DMD: variants seen among roughly 807,000 people sequenced by gnomAD.
DMD encodes the protein dystrophin.
Under a neutral mutation model 330.1 loss-of-function variants are expected in DMD, and 63 were observed. The observed-to-expected ratio is 0.19, with a 90% CI of 0.16 to 0.24. The LOEUF is 0.24. Among genes scored for constraint, DMD ranks in the 10% least tolerant of loss-of-function variants. The pLI is 1.00. For synonymous variants in DMD, 1,223 were observed against 959.8 expected (o/e 1.27, Z -5.07); for missense variants, 3,344 against 2,684.1 (o/e 1.25, Z -5.43).
intron 1 of DMD, among the ~76,000 whole-genome samples, chrX:33,245,368 C>T (rs187029798): frequency 6.7e-4 from 75 of 111,161 alleles, no homozygotes; most frequent in Non-Finnish European, 1.3e-3. Flanking sequence ...AATAGAAACA[C>T]TCACTCTGAA....
rs752533406 is a variant in DMD, at chrX:32,503,866, G to C, written c.2293-2024C>G. 1.1e-4 allele frequency among the ~76,000 whole-genome samples: 12 copies of C among 111,646 alleles called. No individual in the cohort carries two copies. In the East Asian group the frequency reaches 1.7e-3, roughly 16 times the overall value. ...GCCACCGTGCCTGGCCTGAATAAAGGTTTTCTTAAAAATTTATTTTAAAGA... is the reference window on the plus strand; with the variant it reads ...GCCACCGTGCCTGGCCTGAATAAAGCTTTTCTTAAAAATTTATTTTAAAGA... On this transcript the variant is annotated intron_variant, in intron 18 of 78. Transcript: ENST00000357033.
At chrX:31,715,404 A>G (rs1008982963) in intron 52 of DMD, among the ~76,000 whole-genome samples, 18 of 104,683 alleles carry the variant, frequency 1.7e-4, no homozygotes, top group East Asian at 9.1e-4. Flanking sequence ...TTAGCCGGGC[A>G]TGGTGGCGCG....
At chrX:31,959,590 A>G (rs1032670904) in intron 45 of DMD, among the ~76,000 whole-genome samples, 11 of 111,240 alleles carry the variant, frequency 9.9e-5, no homozygotes, top group African/African-American at 3.6e-4. Flanking sequence ...TACTTTTTGC[A>G]TAAAACACTT....
intron 60 of DMD, among the ~76,000 whole-genome samples, chrX:31,415,383 G>A (rs770933704): frequency 4.2e-4 from 47 of 111,993 alleles, no homozygotes; most frequent in Middle Eastern, 4.6e-3. Flanking sequence ...TACCCCAGTC[G>A]TCTTCCAGAT....
chrX:31,729,336 AACAAATGTTCTGCC>A (rs766496125), intron 52 of DMD, among the ~76,000 whole-genome samples: 4 of 111,337 alleles, frequency 3.6e-5, no homozygotes, highest in Middle Eastern at 4.6e-3. Flanking sequence ...ACAACTAAAG[AACAAATGTTCTGCC>A]ACAAATGTTC....
intron 63 of DMD, among the ~76,000 whole-genome samples, chrX:31,256,840 A>C (rs2050011017): frequency 9.1e-6 from 1 of 110,290 alleles, no homozygotes; most frequent in Non-Finnish European, 1.9e-5. Context: ...ACACTAAGTA[A>C]GAAATGGAAT....
Position 33,267,117 on chromosome X carries a change from T to C in DMD, c.7+72142A>G, listed in dbSNP as rs181735710. Among the ~76,000 whole-genome samples the C allele has an allele frequency of 1.7e-3, 190 of 111,812 alleles. 1 individual carries two copies. The highest frequency in any genetic ancestry group is 5.9e-3 in the African/African-American group (183 of 30,843). On this transcript the variant is annotated intron_variant, in intron 1 of 17. Coordinates refer to the DMD transcript ENST00000288447. ...CCCAAAGACTCCACCAAAAGGCTAC[T>C]AGAACTGATAAACAATTTTAACGAG...
chrX:31,143,589 T>C (rs2036343111), intron 76 of DMD, among the ~76,000 whole-genome samples: 1 of 112,360 alleles, frequency 8.9e-6, no homozygotes, highest in African/African-American at 3.2e-5. Context: ...ATCCATTTTA[T>C]GCCAGCAAGT....
intron 17 of DMD, among the ~76,000 whole-genome samples, chrX:32,524,099 A>AT (rs1259391008): frequency 3.3e-4 from 35 of 107,610 alleles, no homozygotes; most frequent in East Asian, 2.4e-3. Flanking sequence ...CGCCCGGCTA[A>AT]TTTTTTTTGT....
chrX:32,377,360 T>C (rs1343080583), intron 34 of DMD, among the ~76,000 whole-genome samples: 2 of 111,904 alleles, frequency 1.8e-5, no homozygotes, highest in Non-Finnish European at 3.8e-5. Context: ...ATACATTCAC[T>C]GAGAGATTGA....
intron 12 of DMD, among the ~76,000 whole-genome samples, chrX:32,605,644 A>T (rs927469064): frequency 2.8e-4 from 31 of 111,035 alleles, no homozygotes; most frequent in African/African-American, 8.8e-4. Context: ...ACAATTCCGA[A>T]CTATACATCT....
At chrX:31,200,815 G>A (rs897674104) in intron 67 of DMD, among the ~76,000 whole-genome samples, 24 of 111,518 alleles carry the variant, frequency 2.2e-4, no homozygotes, top group Non-Finnish European at 4.0e-4. Flanking sequence ...CCAGTGCAAT[G>A]ATGAGAAGGC....
chrX:31,602,429 T>C (rs956346272), intron 55 of DMD, among the ~76,000 whole-genome samples: 4 of 110,278 alleles, frequency 3.6e-5, no homozygotes, highest in African/African-American at 1.3e-4. Context: ...AGTTGTATAA[T>C]TTTTATTTTC....
At chrX:33,277,528 G>C in intron 1 of DMD, among the ~76,000 whole-genome samples, 1 of 110,992 alleles carries the variant, frequency 9.0e-6, no homozygotes, top group Non-Finnish European at 1.9e-5. Context: ...GAACCCACAA[G>C]CAGACACGTC....
intron 2 of DMD, among the ~76,000 whole-genome samples, chrX:32,936,508 C>A (rs193098959): frequency 1.9e-3 from 210 of 112,008 alleles, no homozygotes; most frequent in African/African-American, 6.3e-3. Context: ...GTTACTACTA[C>A]TCCTGAAACC....
At chrX:33,147,936 A>T (rs760814935) in intron 1 of DMD, among the ~76,000 whole-genome samples, 1 of 111,958 alleles carries the variant, frequency 8.9e-6, no homozygotes, top group Non-Finnish European at 1.9e-5. Context: ...CCTATAATTA[A>T]ATTGCAAAAT....
At chrX:31,162,110 C>T (rs1361554283) in intron 74 of DMD, among the ~76,000 whole-genome samples, 1 of 111,095 alleles carries the variant, frequency 9.0e-6, no homozygotes, top group African/African-American at 3.3e-5. Flanking sequence ...GTAGTTGTTT[C>T]TATTTTAACT....
intron 54 of DMD, among the ~76,000 whole-genome samples, chrX:31,649,071 C>T (rs946286096): frequency 9.0e-5 from 10 of 111,336 alleles, no homozygotes; most frequent in South Asian, 7.5e-4. Context: ...TTGTAGCTAA[C>T]ATTAATGGTT....
chrX:31,749,363 A>G (rs1030746340), intron 51 of DMD, among the ~76,000 whole-genome samples: 5 of 92,149 alleles, frequency 5.4e-5, no homozygotes, highest in African/African-American at 2.0e-4. Flanking sequence ...CTCATTGTTC[A>G]ATTCCCACCT....
Sources: allele counts gnomAD v4.1 joint callset (sites outside exome capture counted in the v4.1 genomes callset), GRCh38; gene constraint gnomAD v4.1.1; transcripts MANE v1.5; gene names NCBI Gene and HGNC (gene_info 2026-07-23, HGNC 2026-07-21).